The following LAMB3 variants were observed in gnomAD, a reference collection of about 807,000 sequenced individuals.
The protein encoded by LAMB3 is laminin subunit beta 3, also known as laminin subunit beta-3.
A neutral mutation model predicts 140.3 loss-of-function variants in LAMB3; 104 were observed. The ratio of observed to expected loss-of-function variants is 0.74; its 90% CI spans 0.63 to 0.87. The LOEUF (loss-of-function observed/expected upper bound fraction) is 0.87. Ranked by LOEUF, LAMB3 falls within the 40% of genes least tolerant of loss-of-function variation. LAMB3 has a pLI of 0.00. For synonymous variants in LAMB3, 592 were observed against 602.9 expected (o/e 0.98, Z 0.26); for missense variants, 1,531 against 1,575.2 (o/e 0.97, Z 0.47).
At chr1:209,650,314 C>T (rs746159632) in intron 2 of LAMB3, among the ~76,000 whole-genome samples, 196 bp from the exon 3 acceptor site, 1 of 152,162 alleles carries the variant, frequency 6.6e-6, no homozygotes, top group Non-Finnish European at 1.5e-5. Flanking sequence ...TTCCAGAACT[C>T]AAAACTTGAA....
intron 2 of LAMB3, 126 bp from the exon 3 acceptor site, chr1:209,650,244 C>T (rs1052045441): frequency 1.8e-5 from 17 of 927,158 alleles, no homozygotes; most frequent in South Asian, 1.1e-4. Flanking sequence ...AGCTTCCACT[C>T]GCTGCTGGCA....
In LAMB3 at chr1:209,639,407, C is replaced by T. The variant is rs141391269; in HGVS notation, c.184-759G>A. Among the ~76,000 whole-genome samples, 459 of 152,274 alleles carry T rather than the reference C, an allele frequency of 3.0e-3. 15 individuals carry two copies. Among genetic ancestry groups the T allele is most frequent in the Admixed American group, 0.026 (399 of 15,310 alleles). On this transcript the variant is annotated intron_variant, in intron 3 of 22. Coordinates refer to ENST00000356082, the MANE Select transcript of LAMB3 (RefSeq NM_000228.3). ...ACATCTGGGGCGTGAGGATCTTTCT[C>T]AGGTTCGGTATTCCCTACCTACAGG...
intron 1 of LAMB3, among the ~76,000 whole-genome samples, chr1:209,651,811 C>G (rs1343975417): frequency 8.0e-6 from 1 of 125,766 alleles, no homozygotes; most frequent in Non-Finnish European, 1.6e-5. Context: ...GATGTTCACT[C>G]TGTTCCAATG....
At chr1:209,630,218 C>T (rs1666629159) in intron 9 of LAMB3, among the ~76,000 whole-genome samples, 2 of 152,262 alleles carry the variant, frequency 1.3e-5, no homozygotes, top group South Asian at 4.2e-4. Flanking sequence ...TATCCCCAAC[C>T]CTCCCACTGC....
chr1:209,646,386 C>A (rs2076518254), intron 3 of LAMB3, among the ~76,000 whole-genome samples: 1 of 152,184 alleles, frequency 6.6e-6, no homozygotes, highest in Admixed American at 6.5e-5. Flanking sequence ...GGTTGACTAA[C>A]CCAGCTCCTT....
At chr1:209,631,584 A>G (rs980385448) in intron 8 of LAMB3, among the ~76,000 whole-genome samples, 7 of 152,334 alleles carry the variant, frequency 4.6e-5, no homozygotes, top group African/African-American at 1.7e-4. Context: ...TCTGAATCTC[A>G]GGGATGAGAC....
Position 209,627,549 on chromosome 1 carries a change from C to T in LAMB3, c.1319G>A (p.Arg440Lys), listed in dbSNP as rs753007019. The T allele has an allele frequency of 1.1e-5, 18 of 1,613,978 alleles. No homozygotes were observed. In the East Asian group the frequency reaches 4.0e-4, roughly 36 times the overall value. Reference protein sequence around the residue: ...RCDCNILGSRRDMPCDEESGR... With the variant: ...RCDCNILGSRKDMPCDEESGR... The stretch of plus-strand genomic sequence containing the variant: ...ACTCTCCTCGTCACACGGCATGTCC[C>T]TCCGGGACCCCAGGATGTTGCAGTC... Residue 440 changes from arginine to lysine, a missense_variant, in exon 12 of 23, where the codon AGG becomes AAG. By Grantham distance (26) the Arg-to-Lys change is conservative. Coordinates refer to ENST00000356082, the MANE Select transcript of LAMB3 (RefSeq NM_000228.3).
chr1:209,635,822 T>G (rs1457886770), intron 5 of LAMB3, among the ~76,000 whole-genome samples: 1 of 152,166 alleles, frequency 6.6e-6, no homozygotes, highest in African/African-American at 2.4e-5. Context: ...CCAATACTAT[T>G]CTGGAACGAA....
At chr1:209,649,692 C>G (rs1319356577) in intron 3 of LAMB3, among the ~76,000 whole-genome samples, 1 of 152,184 alleles carries the variant, frequency 6.6e-6, no homozygotes, top group African/African-American at 2.4e-5. Context: ...CCTGCCCATG[C>G]CCAAGGACTG....
At chr1:209,648,515 G>A (rs575439384) in intron 3 of LAMB3, among the ~76,000 whole-genome samples, 2 of 152,218 alleles carry the variant, frequency 1.3e-5, no homozygotes. Context: ...GGTTGCAAAA[G>A]TCTAGACTCT....
chr1:209,627,907 G>A lies in LAMB3; in HGVS notation c.1288+128C>T, dbSNP rs558838538. The A allele has an allele frequency of 4.1e-5, 51 of 1,257,552 alleles. No homozygotes were observed. The African/African-American group carries it at 7.1e-4, about 18-fold the overall frequency. The allele number at this position is 1,257,552 out of a possible 1,614,324, so 77.9% of individuals were successfully genotyped here. A position where few individuals can be genotyped will look rare whatever the true frequency, so the allele number is the denominator to read the frequency against. On this transcript the variant is annotated intron_variant, in intron 11 of 22. Transcript: ENST00000356082. ...GTCCGGACTCCTGGCAAAGGCCCGG[G>A]CATACCCCCTCTGTCTACCCTGCAG...
At chr1:209,626,104 A>G (rs1558154020) in intron 13 of LAMB3, 78 bp from the exon 14 acceptor site, 1 of 1,473,408 alleles carries the variant, frequency 6.8e-7, no homozygotes, top group East Asian at 2.3e-5. Context: ...CCTGAAGAGG[A>G]GGTCTGACCT....
At chr1:209,649,514 C>T (rs2298928) in intron 3 of LAMB3, among the ~76,000 whole-genome samples, 87,529 of 152,020 alleles carry the variant, frequency 0.58, 25,709 homozygotes, top group Middle Eastern at 0.64. Flanking sequence ...TGGATAAGCT[C>T]AAGTCACTTC....
At chr1:209,636,316 C>A (rs1299030686) in intron 5 of LAMB3, among the ~76,000 whole-genome samples, 1 of 152,220 alleles carries the variant, frequency 6.6e-6, no homozygotes, top group Non-Finnish European at 1.5e-5. Context: ...CACCAGTTAT[C>A]ATTACATACC....
intron 8 of LAMB3, 77 bp from the exon 9 acceptor site, chr1:209,630,812 G>C: frequency 1.3e-6 from 2 of 1,520,046 alleles, no homozygotes; most frequent in South Asian, 1.1e-5. Flanking sequence ...ACTGCCCTCT[G>C]ACCCTCTGCG....
intron 18 of LAMB3, among the ~76,000 whole-genome samples, chr1:209,621,517 C>A (rs1666194271): frequency 6.6e-6 from 1 of 152,214 alleles, no homozygotes; most frequent in African/African-American, 2.4e-5. Context: ...CTCGTATTAA[C>A]TGGGCTCCCA....
At chr1:209,649,539 T>A (rs1305715501) in intron 3 of LAMB3, among the ~76,000 whole-genome samples, 1 of 152,184 alleles carries the variant, frequency 6.6e-6, no homozygotes, top group Admixed American at 6.5e-5. Context: ...TCTATCTCAC[T>A]GACCATGGCA....
chr1:209,642,547 T>C (rs2102453420), intron 3 of LAMB3, among the ~76,000 whole-genome samples: 1 of 152,336 alleles, frequency 6.6e-6, no homozygotes, highest in East Asian at 1.9e-4. Context: ...CCGCGATCTC[T>C]GCTCACTGCA....
chr1:209,626,814 C>T, intron 13 of LAMB3, 53 bp downstream of exon 13: 3 of 1,362,910 alleles, frequency 2.2e-6, no homozygotes, highest in Non-Finnish European at 2.1e-6. Context: ...CATGTGCCCA[C>T]CCGCGTGCTC....
Sources: gnomAD v4.1 joint callset for allele counts (sites outside exome capture counted in the v4.1 genomes callset) on GRCh38, gnomAD v4.1.1 for gene constraint, MANE v1.5 for transcripts, NCBI Gene and HGNC (gene_info 2026-07-23, HGNC 2026-07-21) for gene names.